ZNF804A: variants seen among roughly 807,000 people sequenced by gnomAD.
ZNF804A encodes zinc finger protein 804A.
In ZNF804A, 2 loss-of-function variants were observed where a neutral mutation model predicts 16.5. The observed-to-expected ratio is 0.12, with a 90% CI of 0.05 to 0.38. The LOEUF (loss-of-function observed/expected upper bound fraction) is 0.38. Among genes scored for constraint, ZNF804A ranks in the 10% least tolerant of loss-of-function variants. The pLI is 0.99. For synonymous variants in ZNF804A, 534 were observed against 489.6 expected, an observed-to-expected ratio of 1.09 and a Z score of -1.20; for missense variants, 1,473 against 1,390.7, an observed-to-expected ratio of 1.06 and a Z score of -0.94.
intron 1 of ZNF804A, among the ~76,000 whole-genome samples, chr2:184,857,058 A>G (rs1268029039): frequency 1.3e-5 from 2 of 151,918 alleles, no homozygotes; most frequent in African/African-American, 2.4e-5. Context: ...GAAGTGTAAT[A>G]TTATGTTGTT....
intron 2 of ZNF804A, among the ~76,000 whole-genome samples, chr2:184,869,972 C>T (rs1305191660): frequency 6.6e-6 from 1 of 151,960 alleles, no homozygotes; most frequent in African/African-American, 2.4e-5. Context: ...GATATGATTA[C>T]AATAGCTCAC....
Position 184,936,093 on chromosome 2 carries a change from T to C in ZNF804A, c.697T>C (p.Phe233Leu). 6.2e-7 allele frequency: 1 copy of C among 1,614,052 alleles called. No homozygotes were observed. The highest frequency in any genetic ancestry group is 8.5e-7 in the Non-Finnish European group (1 of 1,179,958). The change falls in exon 4 of 4, where the codon TTC becomes CTC. Residue 233 changes from phenylalanine to leucine, a missense_variant. Phe to Leu is a conservative substitution (Grantham distance 22). Transcript: ENST00000302277. ...GAAGCTAGAGTCCTCAGCTGCAGCC[T>C]TCTCTGAATACAGTGATGATGCCTC... The part of the protein sequence containing the change: ...SVKLESSAAA[F>L]SEYSDDASVG...
At chr2:184,933,173 AG>A (rs1685731119) in intron 2 of ZNF804A, among the ~76,000 whole-genome samples, 3 of 152,056 alleles carry the variant, frequency 2.0e-5, no homozygotes, top group African/African-American at 7.2e-5. Flanking sequence ...ACAGACACAA[AG>A]GACCAGATAA....
chr2:184,862,245 T>C (rs1355455825), intron 1 of ZNF804A, among the ~76,000 whole-genome samples: 2 of 152,200 alleles, frequency 1.3e-5, no homozygotes, highest in Non-Finnish European at 2.9e-5. Flanking sequence ...CCTGTTTCAA[T>C]ATTAGCCACA....
intron 2 of ZNF804A, among the ~76,000 whole-genome samples, chr2:184,894,233 C>G (rs1163848493): frequency 1.3e-5 from 2 of 152,046 alleles, no homozygotes; most frequent in Admixed American, 6.5e-5. Context: ...AAGCTTTACT[C>G]GGTGAAGGGG....
intron 1 of ZNF804A, among the ~76,000 whole-genome samples, chr2:184,757,310 T>TC (rs1401435998): frequency 1.3e-5 from 2 of 151,892 alleles, no homozygotes; most frequent in East Asian, 3.9e-4. Context: ...TTGCACAAAG[T>TC]CTGTATTTTC....
In ZNF804A at chr2:184,818,006, T is replaced by G. The variant is rs532651245; in HGVS notation, c.112-48363T>G. Among the ~76,000 whole-genome samples the G allele has an allele frequency of 2.1e-4, 32 of 152,108 alleles. 1 individual carries two copies. The highest frequency in any genetic ancestry group is 7.5e-4 in the African/African-American group (31 of 41,518). ...ACTTCAGGATATCATCTAGGAGACC[T>G]TCCTCGAACTAGCAAGACAGGCCAT... On this transcript the variant is annotated intron_variant, in intron 1 of 3. Coordinates refer to ENST00000302277, the MANE Select transcript of ZNF804A (RefSeq NM_194250.2).
At chr2:184,675,066 A>G (rs1334166512) in intron 1 of ZNF804A, among the ~76,000 whole-genome samples, 1 of 151,792 alleles carries the variant, frequency 6.6e-6, no homozygotes, top group African/African-American at 2.4e-5. Flanking sequence ...GCACATAAAT[A>G]CATGGATGTA....
intron 1 of ZNF804A, among the ~76,000 whole-genome samples, chr2:184,844,988 C>T (rs757226813): frequency 6.6e-6 from 1 of 151,882 alleles, no homozygotes; most frequent in South Asian, 2.1e-4. Flanking sequence ...TCTATTGGCA[C>T]ATGGTCAATG....
At chr2:184,812,146 G>C (rs1272723478) in intron 1 of ZNF804A, among the ~76,000 whole-genome samples, 1 of 152,100 alleles carries the variant, frequency 6.6e-6, no homozygotes, top group African/African-American at 2.4e-5. Context: ...CTTTCTTGTA[G>C]ATTTGAATAT....
chr2:184,883,105 CT>C (rs1342796778), intron 2 of ZNF804A, among the ~76,000 whole-genome samples: 1 of 151,946 alleles, frequency 6.6e-6, no homozygotes, highest in Non-Finnish European at 1.5e-5. Context: ...AAGTATATTA[CT>C]ACTGACCCCA....
At chr2:184,745,757 C>A (rs1693781150) in intron 1 of ZNF804A, among the ~76,000 whole-genome samples, 1 of 151,412 alleles carries the variant, frequency 6.6e-6, no homozygotes, top group Non-Finnish European at 1.5e-5. Flanking sequence ...ATTATTACTA[C>A]TTATGGGCAA....
At chr2:184,879,713 A>G (rs764549070) in intron 2 of ZNF804A, among the ~76,000 whole-genome samples, 1 of 152,190 alleles carries the variant, frequency 6.6e-6, no homozygotes, top group African/African-American at 2.4e-5. Context: ...ACACATCTAC[A>G]TATATAGCCC....
Position 184,937,437 on chromosome 2 carries a change from T to C in ZNF804A, c.2041T>C (p.Tyr681His), listed in dbSNP as rs1257919835. The C allele has an allele frequency of 6.2e-7, 1 of 1,612,266 alleles. No homozygotes were observed. The change falls in exon 4 of 4, where the codon TAC (tyrosine) becomes CAC (histidine). Residue 681 changes from tyrosine (Y) to histidine (H), a missense_variant. Transcript: ENST00000302277. ...EEMCKTWNTEYNTYDTISSKN... is the reference protein window; with the variant it reads ...EEMCKTWNTEHNTYDTISSKN... ...AATGTGTAAAACATGGAATACTGAATACAACACTTATGATACTATCAGTTC... is the reference window on the plus strand; with the variant it reads ...AATGTGTAAAACATGGAATACTGAACACAACACTTATGATACTATCAGTTC...
At chr2:184,757,992 G>A (rs576307654) in intron 1 of ZNF804A, among the ~76,000 whole-genome samples, 13 of 152,030 alleles carry the variant, frequency 8.6e-5, no homozygotes, top group African/African-American at 3.1e-4. Context: ...TTTTATTGAT[G>A]GGCTCTTTCT....
At chr2:184,679,887 G>T (rs1351087914) in intron 1 of ZNF804A, among the ~76,000 whole-genome samples, 1 of 152,188 alleles carries the variant, frequency 6.6e-6, no homozygotes, top group Non-Finnish European at 1.5e-5. Flanking sequence ...GGGCAGAAAG[G>T]TGTGAGTTCC....
chr2:184,805,375 T>C (rs1694786041), intron 1 of ZNF804A, among the ~76,000 whole-genome samples: 2 of 152,148 alleles, frequency 1.3e-5, no homozygotes, highest in African/African-American at 4.8e-5. Context: ...TAGTACTGTA[T>C]ATGCTTAATT....
intron 2 of ZNF804A, among the ~76,000 whole-genome samples, chr2:184,907,792 A>G (rs753847690): frequency 2.0e-5 from 3 of 152,186 alleles, no homozygotes; most frequent in Non-Finnish European, 4.4e-5. Context: ...ATTATGCCAT[A>G]TAATTGCACA....
intron 2 of ZNF804A, among the ~76,000 whole-genome samples, chr2:184,897,801 A>G (rs1185300630): frequency 6.6e-6 from 1 of 151,862 alleles, no homozygotes; most frequent in Non-Finnish European, 1.5e-5. Flanking sequence ...TTCCATCATT[A>G]TAGTTTCTTT....
Sources: allele counts gnomAD v4.1 joint callset (sites outside exome capture counted in the v4.1 genomes callset), GRCh38; gene constraint gnomAD v4.1.1; transcripts MANE v1.5; gene names NCBI Gene and HGNC (gene_info 2026-07-23, HGNC 2026-07-21).